HECTD4: variants seen among roughly 807,000 people sequenced by gnomAD.
The protein encoded by HECTD4 is probable E3 ubiquitin-protein ligase HECTD4.
HECTD4 carries 114 observed loss-of-function variants against 471.5 expected under a neutral mutation model. The observed-to-expected ratio is 0.24, with a 90% CI of 0.21 to 0.28. HECTD4 has a LOEUF of 0.28. Ranked by LOEUF, HECTD4 falls within the 10% of genes least tolerant of loss-of-function variation. The probability of loss-of-function intolerance (pLI) is 1.00; values close to 1 mark genes in which losing one functional copy is unlikely to be tolerated. For missense variants in HECTD4, 3,866 were observed against 5,651.5 expected (o/e 0.68, Z 10.13); for synonymous variants, 2,012 against 2,256.0 (o/e 0.89, Z 3.07).
intron 60 of HECTD4, among the ~76,000 whole-genome samples, chr12:112,186,729 G>A (rs1208131991): frequency 7.3e-5 from 11 of 150,772 alleles, no homozygotes; most frequent in African/African-American, 2.0e-4. Context: ...GTGCAGTGGC[G>A]CGATCTCAGC....
intron 38 of HECTD4, among the ~76,000 whole-genome samples, chr12:112,232,299 T>C (rs920314141): frequency 2.4e-4 from 37 of 152,202 alleles, no homozygotes; most frequent in African/African-American, 8.7e-4. Flanking sequence ...TCTGGCTAAT[T>C]TTTGTATTTT....
intron 17 of HECTD4, among the ~76,000 whole-genome samples, chr12:112,263,703 ATT>A (rs879675392): frequency 0.038 from 5,379 of 143,226 alleles, 238 homozygotes; most frequent in African/African-American, 0.1. Flanking sequence ...TGCTCCCAAG[ATT>A]TTTATATATA....
In HECTD4 at chr12:112,210,184, A is replaced by G. The variant is rs2135542748; in HGVS notation, c.7698T>C (p.Asn2566=). ...CTAGGTCAGTGCACAGGTCAGCAGC[A>G]TTGCGGTGGGCCTGCCCTTCCGCGT... ...FAYAEGQAHR[N]AADLCTDLAE... is the part of the protein sequence containing the mutation. Residue 2566 remains asparagine (N), a synonymous_variant, in exon 50 of 76, where the codon AAT becomes AAC. Transcript: ENST00000682272. 6.2e-7 allele frequency: 1 copy of G among 1,612,396 alleles called. No individual in the cohort carries two copies. Among genetic ancestry groups the G allele is most frequent in the Non-Finnish European group, 8.5e-7 (1 of 1,179,096 alleles).
chr12:112,377,267 T>C (rs2036798610), intron 1 of HECTD4, among the ~76,000 whole-genome samples: 1 of 151,152 alleles, frequency 6.6e-6, no homozygotes, highest in Admixed American at 6.6e-5. Context: ...AGGCCCCAAC[T>C]CTAATAAAAA....
intron 7 of HECTD4, chr12:112,302,575 A>G: frequency 1.5e-6 from 1 of 679,810 alleles, no homozygotes; most frequent in Non-Finnish European, 2.7e-6. Context: ...CCTTTTCTCA[A>G]ACAGGGAATT....
At position 112,179,042 on chromosome 12, in the gene HECTD4, T is replaced by A; in HGVS notation, c.11252A>T (p.Lys3751Met). ...KYGVPKPKFD[K>M]SKYSKAGKEQ... ...CTTCCCGGCCTTGCTGTACTTGCTC[T>A]TGTCAAACTTGGGCTTTGGCACGCC... is the stretch of plus-strand genomic sequence containing the variant. Residue 3751 changes from lysine (K) to methionine (M), a missense_variant, in exon 64 of 76, where the codon AAG becomes ATG. Coordinates refer to ENST00000682272, the MANE Select transcript of HECTD4 (RefSeq NM_001388303.1). The surrounding 1 kb of genome is among the most constrained non-coding windows in gnomAD (Gnocchi z 4.3). 6 of 1,613,964 alleles carry A rather than the reference T, an allele frequency of 3.7e-6. No individual in the cohort carries two copies. Among genetic ancestry groups the A allele is most frequent in the Non-Finnish European group, 5.1e-6 (6 of 1,179,884 alleles).
intron 11 of HECTD4, among the ~76,000 whole-genome samples, chr12:112,272,050 AT>A (rs1044620238): frequency 6.6e-6 from 1 of 151,332 alleles, no homozygotes; most frequent in African/African-American, 2.4e-5. Context: ...ATCTTATTTT[AT>A]TTTTTTGAGA....
At chr12:112,298,338 C>T (rs1227038959) in intron 7 of HECTD4, among the ~76,000 whole-genome samples, 1 of 151,976 alleles carries the variant, frequency 6.6e-6, no homozygotes, top group African/African-American at 2.4e-5. Context: ...AAATTCTGTC[C>T]CCTAGCCCCT....
intron 1 of HECTD4, among the ~76,000 whole-genome samples, chr12:112,354,027 G>A (rs990348705): frequency 1.3e-5 from 2 of 151,992 alleles, no homozygotes; most frequent in African/African-American, 4.8e-5. Context: ...GGGTAACACA[G>A]CAAGAACCTA....
Position 112,171,100 on chromosome 12 carries a change from C to G in HECTD4, c.11932+17G>C. The G allele has an allele frequency of 1.2e-6, 2 of 1,601,912 alleles. No homozygotes were observed. The highest frequency in any genetic ancestry group is 2.2e-5 in the South Asian group (2 of 90,196). On this transcript the variant is annotated intron_variant, in intron 68 of 75. Coordinates refer to ENST00000682272, the MANE Select transcript of HECTD4 (RefSeq NM_001388303.1). ...CCTCTCTCTTCCTGCAGGGCCAGGGCAGGTGCAGGCACTGACCTTTGGCCT... is the reference window on the plus strand; with the variant it reads ...CCTCTCTCTTCCTGCAGGGCCAGGGGAGGTGCAGGCACTGACCTTTGGCCT...
intron 1 of HECTD4, among the ~76,000 whole-genome samples, chr12:112,379,261 G>A (rs1488637596): frequency 6.6e-6 from 1 of 152,208 alleles, no homozygotes; most frequent in East Asian, 1.9e-4. Flanking sequence ...CTCTTCATGT[G>A]CTCTTGAACA....
At chr12:112,270,507 G>T (rs774868608) in intron 11 of HECTD4, 48 bp from the exon 12 acceptor site, 1 of 1,454,710 alleles carries the variant, frequency 6.9e-7, no homozygotes, top group Non-Finnish European at 9.6e-7. Flanking sequence ...CTCTATGGGT[G>T]GTCCCCAAAG....
At position 112,239,124 on chromosome 12, in the gene HECTD4, T is replaced by G; in HGVS notation, c.5218A>C (p.Lys1740Gln). 6.2e-7 allele frequency: 1 copy of G among 1,613,958 alleles called. No individual in the cohort carries two copies. Among genetic ancestry groups the G allele is most frequent in the Non-Finnish European group, 8.5e-7 (1 of 1,179,854 alleles). Reference sequence around the variant, plus strand: ...GCAGCCCAGGCCATGGTGGCCACCTTCTGCTTCTTGGTCTGTTTCTCACTG... The same window carrying G: ...GCAGCCCAGGCCATGGTGGCCACCTGCTGCTTCTTGGTCTGTTTCTCACTG... ...SSSEKQTKKQ[K>Q]VATMAWAAFQ... Residue 1740 changes from lysine (K) to glutamine (Q), a missense_variant, in exon 34 of 76, where the codon AAG (lysine) becomes CAG (glutamine). This residue lies in a region of HECTD4 where 229 missense variants were observed against 386.4 expected (regional missense o/e 0.59). Coordinates refer to ENST00000682272, the MANE Select transcript of HECTD4 (RefSeq NM_001388303.1). The surrounding 1 kb of genome is among the most constrained non-coding windows in gnomAD (Gnocchi z 4.9).
Position 112,195,081 on chromosome 12 carries a change from G to T in HECTD4, c.8568-15C>A, listed in dbSNP as rs750931854. The stretch of plus-strand genomic sequence containing the variant: ...GCAGCAGCTCCCTGCAAGGGAAAAG[G>T]TGGGTGAGATACTCAAAGCCCTGAT... On this transcript the variant is annotated splice_polypyrimidine_tract_variant and intron_variant, in intron 55 of 75. Transcript: ENST00000682272. 4 of 1,579,822 alleles carry T rather than the reference G, an allele frequency of 2.5e-6. No homozygotes were observed. The East Asian group carries it at 9.3e-5, about 37-fold the overall frequency.
chr12:112,276,193 G>A (rs1466352209), intron 9 of HECTD4, among the ~76,000 whole-genome samples: 1 of 152,182 alleles, frequency 6.6e-6, no homozygotes, highest in East Asian at 1.9e-4. Flanking sequence ...GACACAGAAG[G>A]AATTTAAGCA....
intron 2 of HECTD4, among the ~76,000 whole-genome samples, chr12:112,317,417 G>A (rs1268653275): frequency 6.6e-6 from 1 of 152,126 alleles, no homozygotes; most frequent in Non-Finnish European, 1.5e-5. Flanking sequence ...GAGAAAAACA[G>A]GGCAAGAAGA....
rs1172522576 is a variant in HECTD4 at position 112,184,332 on chromosome 12, C to A, written c.10634G>T (p.Ser3545Ile). The change falls in exon 61 of 76, where the codon AGC becomes ATC. Residue 3545 changes from serine to isoleucine, a missense_variant. This residue lies in a region of HECTD4 where 192 missense variants were observed against 189.9 expected (regional missense o/e 1.01). Coordinates refer to ENST00000682272, the MANE Select transcript of HECTD4 (RefSeq NM_001388303.1). The surrounding 1 kb of genome is among the most constrained non-coding windows in gnomAD (Gnocchi z 9.1). ...CCCCAGGCTGCCCAGGCTGCCCAGGCTGCCGGTGCTGCACAGGGAAATGTC... is the reference window on the plus strand; with the variant it reads ...CCCCAGGCTGCCCAGGCTGCCCAGGATGCCGGTGCTGCACAGGGAAATGTC... ...SLDISLCSTG[S>I]LGSLGSLGEP... 3 of 1,613,000 alleles carry A rather than the reference C, an allele frequency of 1.9e-6. No homozygotes were observed. The East Asian group carries it at 6.7e-5, about 36-fold the overall frequency.
At chr12:112,345,206 T>G (rs1046399381) in intron 1 of HECTD4, among the ~76,000 whole-genome samples, 1 of 151,532 alleles carries the variant, frequency 6.6e-6, no homozygotes, top group Non-Finnish European at 1.5e-5. Context: ...TAAGCCATGA[T>G]GGCCCTGCTG....
chr12:112,278,471 TATA>T (rs531882244), intron 9 of HECTD4, among the ~76,000 whole-genome samples: 256 of 152,370 alleles, frequency 1.7e-3, no homozygotes, highest in African/African-American at 6.0e-3. Context: ...TGTGCCTCCT[TATA>T]ATAATATATG....
Sources: gnomAD v4.1 joint callset for allele counts (sites outside exome capture counted in the v4.1 genomes callset) on GRCh38, gnomAD v4.1.1 for gene constraint, gnomAD v4.1.1 regional missense constraint, Gnocchi (gnomAD v3.1) non-coding constraint, MANE v1.5 for transcripts, NCBI Gene and HGNC (gene_info 2026-07-23, HGNC 2026-07-21) for gene names.